BEGAIN: variants seen among roughly 807,000 people sequenced by gnomAD.
BEGAIN encodes brain-enriched guanylate kinase-associated protein.
Under a neutral mutation model 35.8 loss-of-function variants are expected in BEGAIN, and 19 were observed. That is an observed-to-expected ratio of 0.53 (90% confidence interval 0.37 to 0.78). BEGAIN has a LOEUF of 0.78. Among genes scored for constraint, BEGAIN ranks in the 30% least tolerant of loss-of-function variants. The pLI, the probability that BEGAIN is intolerant of heterozygous loss-of-function variation, is 0.00. For synonymous variants in BEGAIN, 462 were observed against 388.6 expected (o/e 1.19, Z -2.22); for missense variants, 795 against 853.6 (o/e 0.93, Z 0.85).
At chr14:100,569,579 GCCCTGTGTTCTCACCAGGACAC>G (rs938460227) in intron 1 of BEGAIN, 3 of 154,456 alleles carry the variant, frequency 1.9e-5, no homozygotes, top group African/African-American at 7.2e-5. Context: ...CCGGGCAGGA[GCCCTGTGTTCTCACCAGGACAC>G]CCCCAGCACC....
chr14:100,538,139 C>T lies in BEGAIN; in HGVS notation c.1669G>A (p.Glu557Lys), dbSNP rs372618672. ...LCGTASSPEP[E>K]QGSRDSLEPS... is the part of the protein sequence containing the mutation. The stretch of plus-strand genomic sequence containing the variant: ...TCCAAGGAGTCCCTGGAACCCTGCT[C>T]GGGCTCAGGGCTGCTGGCGGTCCCA... Residue 557 changes from glutamate (E) to lysine (K), a missense_variant, in exon 7 of 7, where the codon GAG becomes AAG. Glu to Lys is a moderately conservative substitution (Grantham distance 56). Around this residue, in one of 3 missense-constraint regions of BEGAIN, gnomAD observed 664 missense variants for 647.7 expected, o/e 1.03. Transcript: ENST00000554140. 41 of 1,539,640 alleles carry T rather than the reference C, an allele frequency of 2.7e-5. No individual in the cohort carries two copies. The highest frequency in any genetic ancestry group is 2.0e-4 in the Middle Eastern group (1 of 5,046).
chr14:100,564,662 T>G (rs2034547506), intron 2 of BEGAIN, among the ~76,000 whole-genome samples: 1 of 152,158 alleles, frequency 6.6e-6, no homozygotes, highest in South Asian at 2.1e-4. Context: ...GGCCAGGCCA[T>G]CAAATGGTGT....
chr14:100,568,275 C>T lies in BEGAIN; in HGVS notation c.43-336G>A, dbSNP rs561284170. The T allele has an allele frequency of 3.7e-4, 256 of 692,544 alleles. No individual in the cohort carries two copies. Among genetic ancestry groups the T allele is most frequent in the African/African-American group, 3.2e-3 (169 of 52,942 alleles). The allele number at this position is 692,544 out of a possible 1,614,324, so 42.9% of individuals were successfully genotyped here. On this transcript the variant is annotated intron_variant, in intron 1 of 6. Transcript: ENST00000554140. The surrounding 1 kb of genome is among the most constrained non-coding windows in gnomAD (Gnocchi z 7.5). ...GGAGGAGGGGGACTCGGCCTGTCCC[C>T]GTTAACTCTCCGGCGGCCGCGGCCC...
Position 100,538,045 on chromosome 14 carries a change from G to A in BEGAIN, c.1763C>T (p.Pro588Leu), listed in dbSNP as rs185916516. Residue 588 changes from proline to leucine, a missense_variant, in exon 7 of 7, where the codon CCG becomes CTG. Pro to Leu is a moderately conservative substitution (Grantham distance 98). Transcript: ENST00000554140. Reference sequence around the variant, plus strand: ...GCTCAGCCCCGAGCCACCAGTCCGCGGAAAGGCCTGCTGGGGGCTGAGGCG... The same window carrying A: ...GCTCAGCCCCGAGCCACCAGTCCGCAGAAAGGCCTGCTGGGGGCTGAGGCG... ...AARLSPQQAF[P>L]RTGGSGLSRK... The A allele has an allele frequency of 3.1e-4, 506 of 1,607,644 alleles. 3 individuals are homozygous for A. The East Asian group carries it at 7.5e-3, about 24-fold the overall frequency.
chr14:100,582,109 G>A (rs1291409679), intron 1 of BEGAIN, among the ~76,000 whole-genome samples: 2 of 152,154 alleles, frequency 1.3e-5, no homozygotes, highest in African/African-American at 2.4e-5. Flanking sequence ...CCTTCCCCTC[G>A]TCCCAGCACA....
intron 5 of BEGAIN, among the ~76,000 whole-genome samples, chr14:100,541,459 C>T (rs1287046638): frequency 6.6e-6 from 1 of 152,244 alleles, no homozygotes; most frequent in African/African-American, 2.4e-5. Flanking sequence ...CACCACGGCC[C>T]TGGAGCCTCC....
In BEGAIN at chr14:100,545,175, G is replaced by A. The variant is rs2032207243; in HGVS notation, c.234-109C>T. 3 of 1,574,852 alleles carry A rather than the reference G, an allele frequency of 1.9e-6. No homozygotes were observed. In the South Asian group the frequency reaches 3.4e-5, roughly 18 times the overall value. ...GTGGGGCTGAATTTGGACCTCCTGA[G>A]CTCACCCCACCAGCTTCACCCTGGT... On this transcript the variant is annotated intron_variant, in intron 3 of 6. Coordinates refer to ENST00000554140, the MANE Select transcript of BEGAIN (RefSeq NM_001385089.1).
chr14:100,548,375 A>G (rs1236678971), intron 2 of BEGAIN: 1 of 152,152 alleles, frequency 6.6e-6, no homozygotes, highest in African/African-American at 2.4e-5. Context: ...GGCAGGCACA[A>G]TGGGCTGCAC....
At chr14:100,561,219 G>A (rs921027106) in intron 2 of BEGAIN, among the ~76,000 whole-genome samples, 2 of 152,124 alleles carry the variant, frequency 1.3e-5, no homozygotes, top group Admixed American at 1.3e-4. Flanking sequence ...ACCCTCAGAG[G>A]GCCCCACGCT....
chr14:100,549,668 G>A (rs2032975889), intron 2 of BEGAIN: 1 of 152,292 alleles, frequency 6.6e-6, no homozygotes, highest in Non-Finnish European at 1.5e-5. Context: ...CAGACACGGG[G>A]GCAGGGCTGT....
chr14:100,580,421 T>C (rs893496798), intron 1 of BEGAIN, among the ~76,000 whole-genome samples: 27 of 152,304 alleles, frequency 1.8e-4, no homozygotes, highest in African/African-American at 6.3e-4. Flanking sequence ...TCTCTCTCTC[T>C]CTGCTACCCT....
intron 1 of BEGAIN, among the ~76,000 whole-genome samples, chr14:100,582,417 A>G (rs2035339603): frequency 6.6e-6 from 1 of 152,180 alleles, no homozygotes; most frequent in Admixed American, 6.5e-5. Context: ...TGCTGGGATT[A>G]CAGGCGTGAG....
At chr14:100,545,682 A>G (rs760598297) in intron 3 of BEGAIN, among the ~76,000 whole-genome samples, 4 of 152,130 alleles carry the variant, frequency 2.6e-5, no homozygotes, top group African/African-American at 4.8e-5. Flanking sequence ...CTGAGGTGAA[A>G]CTTTAATTAC....
At chr14:100,571,335 A>G (rs2035075256) in intron 1 of BEGAIN, among the ~76,000 whole-genome samples, 1 of 152,052 alleles carries the variant, frequency 6.6e-6, no homozygotes, top group African/African-American at 2.4e-5. Context: ...GCATGGGCTG[A>G]GGCCTGTGGA....
intron 2 of BEGAIN, among the ~76,000 whole-genome samples, chr14:100,557,462 C>T (rs1226357628): frequency 2.6e-5 from 4 of 152,196 alleles, no homozygotes; most frequent in Non-Finnish European, 5.9e-5. Context: ...GGACCCCGTG[C>T]GGTCCCATTT....
At chr14:100,561,664 ATTGC>A (rs998026230) in intron 2 of BEGAIN, among the ~76,000 whole-genome samples, 18 of 151,592 alleles carry the variant, frequency 1.2e-4, no homozygotes, top group African/African-American at 4.4e-4. Context: ...AGGTGAGAGG[ATTGC>A]TTGAGCCCTG....
At chr14:100,560,545 G>A (rs1215010357) in intron 2 of BEGAIN, among the ~76,000 whole-genome samples, 1 of 152,108 alleles carries the variant, frequency 6.6e-6, no homozygotes, top group East Asian at 1.9e-4. Flanking sequence ...CCCCTCCCTG[G>A]GACGGCCATT....
chr14:100,564,109 G>C (rs1004639749), intron 2 of BEGAIN, among the ~76,000 whole-genome samples: 1 of 150,820 alleles, frequency 6.6e-6, no homozygotes, highest in Non-Finnish European at 1.5e-5. Flanking sequence ...GGATCTTAGG[G>C]GCTGGCCGGG....
intron 2 of BEGAIN, 100 bp from the exon 3 acceptor site, chr14:100,546,762 CGGCG>C: frequency 9.5e-7 from 1 of 1,050,306 alleles, no homozygotes; most frequent in Non-Finnish European, 1.3e-6. Context: ...ACGCGAGTAC[CGGCG>C]CGCGCGCGCG....
Sources: allele counts gnomAD v4.1 joint callset (sites outside exome capture counted in the v4.1 genomes callset), GRCh38; gene constraint gnomAD v4.1.1; regional missense constraint gnomAD v4.1.1; non-coding constraint Gnocchi (gnomAD v3.1); transcripts MANE v1.5; gene names NCBI Gene and HGNC (gene_info 2026-07-23, HGNC 2026-07-21).